ARL15: variants seen among roughly 807,000 people sequenced by gnomAD.
ARL15 encodes ARF like GTPase 15, also known as ADP-ribosylation factor-like protein 15.
Under a neutral mutation model 25.2 loss-of-function variants are expected in ARL15, and 19 were observed. The ratio of observed to expected loss-of-function variants is 0.75; its 90% CI spans 0.53 to 1.10. ARL15 has a LOEUF of 1.10. Among genes scored for constraint, ARL15 ranks in the 50% least tolerant of loss-of-function variants. The probability of loss-of-function intolerance (pLI) is 0.00; values close to 1 mark genes in which losing one functional copy is unlikely to be tolerated. For missense variants in ARL15, 220 were observed against 246.0 expected, an observed-to-expected ratio of 0.89 and a Z score of 0.71; for synonymous variants, 94 against 86.8, an observed-to-expected ratio of 1.08 and a Z score of -0.46.
At chr5:54,251,640 C>T (rs892638834) in intron 1 of ARL15, among the ~76,000 whole-genome samples, 1 of 152,192 alleles carries the variant, frequency 6.6e-6, no homozygotes. Context: ...AGACCTCAGA[C>T]CTACTGATTC....
intron 3 of ARL15, among the ~76,000 whole-genome samples, chr5:54,127,429 G>A (rs1312772904): frequency 6.6e-6 from 1 of 151,972 alleles, no homozygotes; most frequent in Non-Finnish European, 1.5e-5. Flanking sequence ...TTGCTTCAAA[G>A]AGAATAAAAT....
At chr5:54,289,159 A>G (rs1005157183) in intron 1 of ARL15, among the ~76,000 whole-genome samples, 1 of 152,328 alleles carries the variant, frequency 6.6e-6, no homozygotes, top group African/African-American at 2.4e-5. Context: ...AAGCTGAAGC[A>G]CCAATGAACT....
intron 1 of ARL15, among the ~76,000 whole-genome samples, chr5:54,259,212 G>A (rs527470948): frequency 1.3e-5 from 2 of 152,154 alleles, no homozygotes; most frequent in African/African-American, 2.4e-5. Context: ...GAATAGGCAG[G>A]ACTCACTCAC....
At chr5:54,196,617 A>T (rs1483204159) in intron 1 of ARL15, among the ~76,000 whole-genome samples, 1 of 152,182 alleles carries the variant, frequency 6.6e-6, no homozygotes, top group African/African-American at 2.4e-5. Context: ...ACCTTAAAAA[A>T]TTATTAAAAT....
intron 3 of ARL15, among the ~76,000 whole-genome samples, chr5:54,117,394 C>CAT (rs1752936252): frequency 6.6e-6 from 1 of 151,520 alleles, no homozygotes; most frequent in Non-Finnish European, 1.5e-5. Flanking sequence ...CACACACACA[C>CAT]ACACACACAC....
chr5:54,291,216 C>T (rs1252884236), intron 1 of ARL15, among the ~76,000 whole-genome samples: 1 of 152,118 alleles, frequency 6.6e-6, no homozygotes, highest in East Asian at 1.9e-4. Context: ...AAAACTCATC[C>T]ACCCTGAACT....
chr5:54,176,607 T>C (rs553703748), intron 1 of ARL15, among the ~76,000 whole-genome samples: 136 of 152,310 alleles, frequency 8.9e-4, no homozygotes, highest in Non-Finnish European at 1.8e-3. Flanking sequence ...TCGGCAGTCC[T>C]GACAGCAAGC....
intron 4 of ARL15, among the ~76,000 whole-genome samples, chr5:53,950,046 CAAAT>C (rs1350713878): frequency 2.6e-5 from 4 of 152,100 alleles, no homozygotes; most frequent in South Asian, 2.1e-4. Context: ...ATGTGAAAAA[CAAAT>C]AAGTAAAACC....
At chr5:54,128,858 A>G (rs1215359731) in intron 3 of ARL15, among the ~76,000 whole-genome samples, 1 of 151,878 alleles carries the variant, frequency 6.6e-6, no homozygotes, top group Non-Finnish European at 1.5e-5. Flanking sequence ...GATGAGTGCC[A>G]CCACGCCCGG....
At chr5:54,074,586 T>G (rs978932862) in intron 4 of ARL15, among the ~76,000 whole-genome samples, 14 of 152,240 alleles carry the variant, frequency 9.2e-5, no homozygotes, top group African/African-American at 3.4e-4. Context: ...CTATGTGAGC[T>G]TAAGTGTCTT....
intron 1 of ARL15, among the ~76,000 whole-genome samples, chr5:54,221,974 G>A (rs772197907): frequency 7.9e-5 from 12 of 152,076 alleles, no homozygotes; most frequent in South Asian, 4.1e-4. Context: ...AAATTTAAGC[G>A]TCTTGGGAAA....
intron 4 of ARL15, among the ~76,000 whole-genome samples, chr5:53,905,574 C>T (rs893979345): frequency 2.0e-5 from 3 of 152,140 alleles, no homozygotes; most frequent in African/African-American, 7.2e-5. Flanking sequence ...AGCCCATGCC[C>T]TGATTACAAT....
chr5:54,234,732 A>C (rs1215573750), intron 1 of ARL15, among the ~76,000 whole-genome samples: 1 of 152,246 alleles, frequency 6.6e-6, no homozygotes, highest in Non-Finnish European at 1.5e-5. Context: ...GTGTCAAAAA[A>C]GAGTAAAATG....
intron 1 of ARL15, among the ~76,000 whole-genome samples, chr5:54,263,706 T>G (rs2112627853): frequency 6.6e-6 from 1 of 152,218 alleles, no homozygotes; most frequent in East Asian, 1.9e-4. Flanking sequence ...TTACTTTGAG[T>G]GAGGCAATAT....
intron 1 of ARL15, among the ~76,000 whole-genome samples, chr5:54,243,492 C>T (rs566315251): frequency 1.3e-5 from 2 of 152,162 alleles, no homozygotes; most frequent in African/African-American, 4.8e-5. Context: ...TGATAAAAGG[C>T]TTTTAATAAG....
At chr5:54,200,320 GA>G (rs1422394493) in intron 1 of ARL15, among the ~76,000 whole-genome samples, 12 of 149,266 alleles carry the variant, frequency 8.0e-5, no homozygotes, top group South Asian at 4.2e-4. Context: ...AGAAAAAAAA[GA>G]AAAAAATAAA....
intron 4 of ARL15, among the ~76,000 whole-genome samples, chr5:54,106,921 T>C (rs966614373): frequency 6.6e-6 from 1 of 152,170 alleles, no homozygotes; most frequent in Non-Finnish European, 1.5e-5. Flanking sequence ...AACTTTGGCA[T>C]GGGCATTCAA....
At chr5:54,281,547 A>G (rs1422653180) in intron 1 of ARL15, among the ~76,000 whole-genome samples, 1 of 152,096 alleles carries the variant, frequency 6.6e-6, no homozygotes, top group Non-Finnish European at 1.5e-5. Context: ...GCTTAGCAAT[A>G]CCCCTGGCCT....
chr5:54,194,368 A>G (rs1755494827), intron 1 of ARL15, among the ~76,000 whole-genome samples: 1 of 152,108 alleles, frequency 6.6e-6, no homozygotes, highest in South Asian at 2.1e-4. Flanking sequence ...CCTCTCCATC[A>G]TTTTTATGAG....
Sources: allele counts gnomAD v4.1 joint callset (sites outside exome capture counted in the v4.1 genomes callset), GRCh38; gene constraint gnomAD v4.1.1; transcripts MANE v1.5; gene names NCBI Gene and HGNC (gene_info 2026-07-23, HGNC 2026-07-21).